The following USP31 variants were observed in gnomAD, a reference collection of about 807,000 sequenced individuals.
The protein encoded by USP31 is ubiquitin specific peptidase 31.
Under a neutral mutation model 119.4 loss-of-function variants are expected in USP31, and 44 were observed. That is an observed-to-expected ratio of 0.37 (90% confidence interval 0.29 to 0.47). The LOEUF is 0.47. Among genes scored for constraint, USP31 ranks in the 20% least tolerant of loss-of-function variants. The probability of loss-of-function intolerance (pLI) is 0.99; values close to 1 mark genes in which losing one functional copy is unlikely to be tolerated. For synonymous variants in USP31, 749 were observed against 705.6 expected, an observed-to-expected ratio of 1.06 and a Z score of -0.97; for missense variants, 1,643 against 1,730.2, an observed-to-expected ratio of 0.95 and a Z score of 0.89.
chr16:23,105,938 T>G (rs1902081781), intron 4 of USP31, among the ~76,000 whole-genome samples: 2 of 152,170 alleles, frequency 1.3e-5, no homozygotes, highest in Non-Finnish European at 2.9e-5. Flanking sequence ...TAGAGAATCC[T>G]GAAGTCACTC....
At chr16:23,069,700 G>A in intron 15 of USP31, 84 bp from the exon 16 acceptor site, 2 of 1,487,310 alleles carry the variant, frequency 1.3e-6, no homozygotes, top group South Asian at 1.4e-5. Context: ...GTGAAACGAA[G>A]GTAAGCCTCA....
At chr16:23,073,363 T>C (rs1567225308) in intron 14 of USP31, among the ~76,000 whole-genome samples, 1 of 152,218 alleles carries the variant, frequency 6.6e-6, no homozygotes, top group Non-Finnish European at 1.5e-5. Context: ...ACCTGTATTA[T>C]AGATGATTGC....
At chr16:23,107,627 G>A (rs767225710) in intron 2 of USP31, among the ~76,000 whole-genome samples, 1 of 152,064 alleles carries the variant, frequency 6.6e-6, no homozygotes, top group Non-Finnish European at 1.5e-5. Context: ...ACATTCTGGG[G>A]CTACTATGGT....
intron 9 of USP31, among the ~76,000 whole-genome samples, chr16:23,086,539 G>A (rs1242301989): frequency 6.6e-6 from 1 of 152,074 alleles, no homozygotes; most frequent in Non-Finnish European, 1.5e-5. Flanking sequence ...ATAAAAAAGG[G>A]CTTAAAGGAA....
intron 1 of USP31, among the ~76,000 whole-genome samples, chr16:23,112,111 C>T (rs1902336966): frequency 6.6e-6 from 1 of 152,124 alleles, no homozygotes; most frequent in African/African-American, 2.4e-5. Flanking sequence ...ATCCTGATAG[C>T]AACAAAGTTT....
intron 1 of USP31, among the ~76,000 whole-genome samples, chr16:23,116,527 G>GGGCCATGC: frequency 6.6e-6 from 1 of 152,318 alleles, no homozygotes; most frequent in South Asian, 2.1e-4. Flanking sequence ...CCATGCAATA[G>GGGCCATGC]TATGACATAC....
rs1902190059 is a variant in USP31 at position 23,108,243 on chromosome 16, A to G, written c.634-60T>C. 3.3e-6 allele frequency: 5 copies of G among 1,533,930 alleles called. No individual in the cohort carries two copies. In the South Asian group the frequency reaches 6.4e-5, roughly 20 times the overall value. ...GAGTTCCTGGCTTTAAAGAAAAACT[A>G]TTTATTCATAATCGCAAAAGGGATG... On this transcript the variant is annotated intron_variant, in intron 1 of 15. Transcript: ENST00000219689.
chr16:23,123,747 C>T lies in USP31; in HGVS notation c.634-15564G>A, dbSNP rs944272402. Among the ~76,000 whole-genome samples the T allele has an allele frequency of 3.3e-5, 5 of 152,156 alleles. No individual in the cohort carries two copies. The East Asian group carries it at 7.7e-4, about 24-fold the overall frequency. On this transcript the variant is annotated intron_variant, in intron 1 of 15. Transcript: ENST00000219689. Reference sequence around the variant, plus strand: ...GGGCATGGTGTCTCATGCCTGTAATCCCAACACTTTGGGAGGCCAAGGCAG... The same window carrying T: ...GGGCATGGTGTCTCATGCCTGTAATTCCAACACTTTGGGAGGCCAAGGCAG...
At chr16:23,118,976 A>C (rs1902582580) in intron 1 of USP31, among the ~76,000 whole-genome samples, 2 of 152,184 alleles carry the variant, frequency 1.3e-5, no homozygotes, top group South Asian at 4.2e-4. Context: ...CTGTCTCAAA[A>C]AAATAATAAA....
Position 23,068,903 on chromosome 16 carries a change from G to T in USP31, c.3202C>A (p.Leu1068Ile). Reference protein sequence around the residue: ...PSSPLPVKVSLKPSRSRSKAD... With the variant: ...PSSPLPVKVSIKPSRSRSKAD... Reference sequence around the variant, plus strand: ...TTGCTGCGGGAGCGGGAGGGCTTTAGAGAGACTTTTACAGGAAGAGGAGAA... The same window carrying T: ...TTGCTGCGGGAGCGGGAGGGCTTTATAGAGACTTTTACAGGAAGAGGAGAA... The change falls in exon 16 of 16, where the codon CTA (leucine) becomes ATA (isoleucine). Residue 1068 changes from leucine to isoleucine, a missense_variant. By Grantham distance (5) the Leu-to-Ile change is conservative (BLOSUM62 2). Coordinates refer to ENST00000219689, the MANE Select transcript of USP31 (RefSeq NM_020718.4). 6.2e-7 allele frequency: 1 copy of T among 1,611,930 alleles called. No homozygotes were observed. The highest frequency in any genetic ancestry group is 1.7e-4 in the Middle Eastern group (1 of 6,042).
chr16:23,136,548 G>A (rs1157312638), intron 1 of USP31, among the ~76,000 whole-genome samples: 1 of 152,210 alleles, frequency 6.6e-6, no homozygotes, highest in East Asian at 1.9e-4. Flanking sequence ...CAGTTAACCA[G>A]GAGGCTGAAG....
chr16:23,099,038 C>A (rs1242290843), intron 6 of USP31, among the ~76,000 whole-genome samples: 5 of 152,074 alleles, frequency 3.3e-5, no homozygotes, highest in African/African-American at 1.2e-4. Context: ...AACAGGCAAC[C>A]TACAGAATGG....
In USP31 at chr16:23,148,605, G is replaced by T. The variant is rs1163061176; in HGVS notation, c.633+33C>A. 7 of 1,433,956 alleles carry T rather than the reference G, an allele frequency of 4.9e-6. No individual in the cohort carries two copies. In the South Asian group the frequency reaches 8.8e-5, roughly 18 times the overall value. 88.8% of individuals were successfully genotyped at this position (1,433,956 alleles called of 1,614,324 possible). A position where few individuals can be genotyped will look rare whatever the true frequency, so the allele number is the denominator to read the frequency against. On this transcript the variant is annotated intron_variant, in intron 1 of 15. Transcript: ENST00000219689. ...CGGGCAGGTGCCCCAGGGGCTCGGG[G>T]TGCAGTGGGGGCGCGGCGGCGCGCG...
chr16:23,068,378 C>G lies in USP31; in HGVS notation c.3727G>C (p.Asp1243His). 6.2e-7 allele frequency: 1 copy of G among 1,614,110 alleles called. No homozygotes were observed. Among genetic ancestry groups the G allele is most frequent in the Non-Finnish European group, 8.5e-7 (1 of 1,180,048 alleles). Residue 1243 changes from aspartate (D) to histidine (H), a missense_variant, in exon 16 of 16, where the codon GAT becomes CAT. Coordinates refer to ENST00000219689, the MANE Select transcript of USP31 (RefSeq NM_020718.4). The part of the protein sequence containing the change: ...LRQKETRRST[D>H]LGKTALLSKK... ...GAGAGCAAGGCTGTCTTGCCAAGATCCGTCGAGCGCCGGGTTTCCTTCTGT... is the reference window on the plus strand; with the variant it reads ...GAGAGCAAGGCTGTCTTGCCAAGATGCGTCGAGCGCCGGGTTTCCTTCTGT...
intron 13 of USP31, chr16:23,079,694 C>T: frequency 2.8e-6 from 1 of 361,888 alleles, no homozygotes; most frequent in Non-Finnish European, 4.9e-6. Flanking sequence ...CCTCAGTTGA[C>T]CAGACAATGC....
Position 23,096,303 on chromosome 16 carries a change from C to A in USP31, c.1235-5499G>T, listed in dbSNP as rs111934450. 8.0e-3 allele frequency among the ~76,000 whole-genome samples: 1,224 copies of A among 152,236 alleles called. 12 individuals are homozygous for A. The highest frequency in any genetic ancestry group is 0.027 in the African/African-American group (1,103 of 41,528). On this transcript the variant is annotated intron_variant, in intron 6 of 15. Coordinates refer to ENST00000219689, the MANE Select transcript of USP31 (RefSeq NM_020718.4). ...TCAATAAGAAGAGCTAACTATCCTA[C>A]ATATATATGCACCCAATACAGGAGC...
chr16:23,093,890 C>T lies in USP31; in HGVS notation c.1235-3086G>A, dbSNP rs574526053. ...TGAAGTGGATCCGTTCCAAGATGGC[C>T]GAACAGGAACAGCTCTGGTCTGCAG... On this transcript the variant is annotated intron_variant, in intron 6 of 15. Transcript: ENST00000219689. 3.3e-5 allele frequency among the ~76,000 whole-genome samples: 5 copies of T among 152,266 alleles called. No individual in the cohort carries two copies. In the Middle Eastern group the frequency reaches 0.014, roughly 414 times the overall value.
chr16:23,085,034 A>G, intron 10 of USP31, 45 bp from the exon 11 acceptor site: 1 of 1,605,088 alleles, frequency 6.2e-7, no homozygotes, highest in Non-Finnish European at 8.5e-7. Context: ...GTCTTGCAAA[A>G]CAGAAGGAAA....
At position 23,069,557 on chromosome 16, in the gene USP31, A is replaced by T; in HGVS notation, c.2548T>A (p.Ser850Thr). The change falls in exon 16 of 16, where the codon TCT (serine) becomes ACT (threonine). Residue 850 changes from serine to threonine, a missense_variant. Physicochemically the swap from Ser to Thr is moderately conservative, Grantham distance 58. Transcript: ENST00000219689. Reference protein sequence around the residue: ...SVQRQSLSSRSSVTSPLAVNE... With the variant: ...SVQRQSLSSRTSVTSPLAVNE... ...ACGGCCAAGGGGCTGGTGACAGAAG[A>T]TCTGGATGACAAACTCTGACGCTGG... The T allele has an allele frequency of 6.2e-7, 1 of 1,613,980 alleles. No individual in the cohort carries two copies. Among genetic ancestry groups the T allele is most frequent in the Non-Finnish European group, 8.5e-7 (1 of 1,179,858 alleles).
Sources: gnomAD v4.1 joint callset for allele counts (sites outside exome capture counted in the v4.1 genomes callset) on GRCh38, gnomAD v4.1.1 for gene constraint, MANE v1.5 for transcripts, NCBI Gene and HGNC (gene_info 2026-07-23, HGNC 2026-07-21) for gene names.